The following PRKN variants were observed in gnomAD, a reference collection of about 807,000 sequenced individuals.
The protein encoded by PRKN is E3 ubiquitin-protein ligase parkin.
In PRKN, 56 loss-of-function variants were observed where a neutral mutation model predicts 59.5. That is an observed-to-expected ratio of 0.94 (90% CI 0.76 to 1.18). PRKN has a LOEUF of 1.18. Ranked by LOEUF, PRKN falls within the 50% of genes most tolerant of loss-of-function variation. The pLI is 0.00. For missense variants in PRKN, 657 were observed against 596.4 expected, an observed-to-expected ratio of 1.10 and a Z score of -1.06; for synonymous variants, 250 against 222.1, an observed-to-expected ratio of 1.13 and a Z score of -1.12.
At chr6:162,203,994 T>C (rs1489661576) in intron 3 of PRKN, among the ~76,000 whole-genome samples, 1 of 152,158 alleles carries the variant, frequency 6.6e-6, no homozygotes, top group Non-Finnish European at 1.5e-5. Flanking sequence ...CCTGTGCGCG[T>C]GTGTGTGCAT....
At position 161,550,003 on chromosome 6, in the gene PRKN, A is replaced by G. The variant is rs1045390171; in HGVS notation, c.934-1000T>C. 7.9e-5 allele frequency among the ~76,000 whole-genome samples: 12 copies of G among 152,208 alleles called. No homozygotes were observed. The highest frequency in any genetic ancestry group is 1.7e-4 in the African/African-American group (7 of 41,448). On this transcript the variant is annotated intron_variant, in intron 8 of 11. Transcript: ENST00000366898. The surrounding 1 kb of genome is among the most constrained non-coding windows in gnomAD (Gnocchi z 4.0). ...GAGTCCAAAGAAGGTGGAGATTTCA[A>G]TTTTAAAGAGGTGATTACAGAATGC...
chr6:161,861,893 A>G (rs1793919156), intron 6 of PRKN, among the ~76,000 whole-genome samples: 1 of 152,204 alleles, frequency 6.6e-6, no homozygotes, highest in Non-Finnish European at 1.5e-5. Context: ...CTGCCTTAAT[A>G]TAACAGAAAT....
At chr6:162,329,655 C>T (rs761287293) in intron 2 of PRKN, among the ~76,000 whole-genome samples, 3 of 151,950 alleles carry the variant, frequency 2.0e-5, no homozygotes, top group Non-Finnish European at 2.9e-5. Flanking sequence ...CAAACTTTTG[C>T]TCGAAGCCCT....
intron 9 of PRKN, among the ~76,000 whole-genome samples, chr6:161,398,606 C>T (rs9365286): frequency 0.065 from 9,870 of 152,260 alleles, 459 homozygotes; most frequent in South Asian, 0.19. Context: ...AGATGCAGAA[C>T]GTATGTAATT....
chr6:162,016,022 A>C (rs1782920828), intron 5 of PRKN, among the ~76,000 whole-genome samples: 1 of 152,314 alleles, frequency 6.6e-6, no homozygotes, highest in South Asian at 2.1e-4. Flanking sequence ...AACAGTTCAA[A>C]ACTGCCAAGA....
At chr6:162,527,407 T>C (rs774029347) in intron 1 of PRKN, among the ~76,000 whole-genome samples, 58 of 152,150 alleles carry the variant, frequency 3.8e-4, no homozygotes, top group Non-Finnish European at 7.6e-4. Flanking sequence ...GATTTTTTTT[T>C]CCACAAAATA....
chr6:161,894,834 A>G (rs945435870), intron 6 of PRKN, among the ~76,000 whole-genome samples: 3 of 152,174 alleles, frequency 2.0e-5, no homozygotes, highest in Non-Finnish European at 1.5e-5. Flanking sequence ...TGTTGGACAA[A>G]TGTGGTCCAT....
chr6:161,475,077 A>T lies in PRKN; in HGVS notation c.1083+73777T>A, dbSNP rs1363338179. The stretch of plus-strand genomic sequence containing the variant: ...GCACCACCATGCCCAGCTAATTTTT[A>T]GTAGAGACAGGGTTTCACCATGTTG... On this transcript the variant is annotated intron_variant, in intron 9 of 11. Transcript: ENST00000366898. The surrounding 1 kb of genome is among the most constrained non-coding windows in gnomAD (Gnocchi z 5.3). Among the ~76,000 whole-genome samples, 1 of 151,850 alleles carries T rather than the reference A, an allele frequency of 6.6e-6. No homozygotes were observed. The highest frequency in any genetic ancestry group is 1.5e-5 in the Non-Finnish European group (1 of 67,962).
chr6:162,104,794 CAAAG>C (rs1780120769), intron 4 of PRKN, among the ~76,000 whole-genome samples: 1 of 151,860 alleles, frequency 6.6e-6, no homozygotes, highest in South Asian at 2.1e-4. Context: ...CAAAAATATA[CAAAG>C]AAAGAGATAT....
chr6:162,248,572 A>G (rs1779296185), intron 3 of PRKN, among the ~76,000 whole-genome samples: 1 of 151,966 alleles, frequency 6.6e-6, no homozygotes, highest in Non-Finnish European at 1.5e-5. Context: ...CAAAGAATAG[A>G]CTCTTGGGTA....
intron 4 of PRKN, among the ~76,000 whole-genome samples, chr6:162,066,305 A>G (rs115863592): frequency 0.011 from 1,623 of 152,156 alleles, 30 homozygotes; most frequent in African/African-American, 0.037. Flanking sequence ...CCTAATACTA[A>G]CCATCACACA....
At chr6:162,619,954 A>G (rs1281874127) in intron 1 of PRKN, among the ~76,000 whole-genome samples, 1 of 152,222 alleles carries the variant, frequency 6.6e-6, no homozygotes, top group African/African-American at 2.4e-5. Flanking sequence ...TTTTATAAAC[A>G]GAAAGGTAAT....
intron 2 of PRKN, among the ~76,000 whole-genome samples, chr6:162,328,991 C>G (rs1246272029): frequency 6.6e-6 from 1 of 152,136 alleles, no homozygotes; most frequent in Non-Finnish European, 1.5e-5. Context: ...AGGTCCTGAA[C>G]CAAAATGCCA....
chr6:161,786,043 T>G (rs1790407474), intron 6 of PRKN, 135 bp from the exon 7 acceptor site: 3 of 819,188 alleles, frequency 3.7e-6, no homozygotes, highest in Middle Eastern at 3.3e-4. Flanking sequence ...TGCTAAGCAT[T>G]AAGCTCATGT....
chr6:162,103,190 T>C (rs183350621), intron 4 of PRKN, among the ~76,000 whole-genome samples: 2 of 152,106 alleles, frequency 1.3e-5, no homozygotes, highest in Non-Finnish European at 2.9e-5. Context: ...AATTCCTTCA[T>C]GTTTAAAAAA....
At chr6:161,910,915 T>A (rs533274693) in intron 6 of PRKN, among the ~76,000 whole-genome samples, 1 of 152,302 alleles carries the variant, frequency 6.6e-6, no homozygotes, top group South Asian at 2.1e-4. Flanking sequence ...TATTTTTAAA[T>A]TGAAGTATGT....
At chr6:161,792,954 C>T (rs1021975217) in intron 6 of PRKN, among the ~76,000 whole-genome samples, 1 of 152,140 alleles carries the variant, frequency 6.6e-6, no homozygotes, top group African/African-American at 2.4e-5. Context: ...TTAATTTGAT[C>T]TATATTTGGC....
At chr6:161,646,651 C>T (rs868336191) in intron 7 of PRKN, among the ~76,000 whole-genome samples, 10 of 152,178 alleles carry the variant, frequency 6.6e-5, no homozygotes, top group South Asian at 4.2e-4. Context: ...GTGGAGGAGG[C>T]GAAACGTCAG....
At chr6:161,660,579 T>C (rs1465609178) in intron 7 of PRKN, among the ~76,000 whole-genome samples, 1 of 152,134 alleles carries the variant, frequency 6.6e-6, no homozygotes, top group Non-Finnish European at 1.5e-5. Context: ...AGGAGTCTGA[T>C]TGTGAACAAA....
Sources: allele counts gnomAD v4.1 joint callset (sites outside exome capture counted in the v4.1 genomes callset), GRCh38; gene constraint gnomAD v4.1.1; non-coding constraint Gnocchi (gnomAD v3.1); transcripts MANE v1.5; gene names NCBI Gene and HGNC (gene_info 2026-07-23, HGNC 2026-07-21).